Variants in COL23A1 observed in about 807,000 individuals in gnomAD.
COL23A1 encodes collagen alpha-1(XXIII) chain.
COL23A1 carries 97 observed loss-of-function variants against 99.3 expected under a neutral mutation model. The observed-to-expected ratio is 0.98, with a 90% CI of 0.83 to 1.16. The LOEUF is 1.16. COL23A1 is among the 50% of genes most tolerant of loss of function. The pLI is 0.00. For synonymous variants in COL23A1, 320 were observed against 308.2 expected (o/e 1.04, Z -0.40); for missense variants, 762 against 757.4 (o/e 1.01, Z -0.07).
At chr5:178,577,005 G>T (rs1484482996) in intron 1 of COL23A1, among the ~76,000 whole-genome samples, 1 of 152,014 alleles carries the variant, frequency 6.6e-6, no homozygotes, top group Non-Finnish European at 1.5e-5. Context: ...CTCGGGCAGC[G>T]GCCGGCGCCT....
intron 1 of COL23A1, among the ~76,000 whole-genome samples, chr5:178,577,717 C>G (rs1259722024): frequency 5.9e-5 from 9 of 152,264 alleles, no homozygotes; most frequent in Non-Finnish European, 1.2e-4. Context: ...CCAGAAGGGC[C>G]ATTGCTCAGT....
At chr5:178,386,212 G>C (rs1296520229) in intron 2 of COL23A1, among the ~76,000 whole-genome samples, 1 of 152,192 alleles carries the variant, frequency 6.6e-6, no homozygotes, top group East Asian at 1.9e-4. Context: ...GCTAAGGCGG[G>C]TGGATTGTCT....
At chr5:178,285,868 T>C (rs967521379) in intron 5 of COL23A1, among the ~76,000 whole-genome samples, 6 of 152,226 alleles carry the variant, frequency 3.9e-5, no homozygotes, top group African/African-American at 1.4e-4. Flanking sequence ...GATAGGAATT[T>C]CCACTCAGGA....
intron 8 of COL23A1, 33 bp from the exon 9 acceptor site, chr5:178,263,357 G>A: frequency 7.3e-7 from 1 of 1,365,396 alleles, no homozygotes. Context: ...TGACTCTGAG[G>A]GGGAGGGGGT....
intron 18 of COL23A1, among the ~76,000 whole-genome samples, chr5:178,249,845 C>T (rs1764935568): frequency 6.6e-6 from 1 of 152,176 alleles, no homozygotes; most frequent in South Asian, 2.1e-4. Flanking sequence ...CAGAGTTACT[C>T]AGCCCTGCCT....
chr5:178,532,212 T>C (rs557059641), intron 2 of COL23A1, among the ~76,000 whole-genome samples: 38 of 152,384 alleles, frequency 2.5e-4, no homozygotes, highest in African/African-American at 8.7e-4. Context: ...TTTGCCAGCC[T>C]GTTGACTTAA....
At chr5:178,282,815 T>TG (rs1756968928) in intron 5 of COL23A1, among the ~76,000 whole-genome samples, 1 of 152,080 alleles carries the variant, frequency 6.6e-6, no homozygotes, top group African/African-American at 2.4e-5. Context: ...GCACCATGAG[T>TG]GGGGGATCTC....
Position 178,476,215 on chromosome 5 carries a change from G to A in COL23A1, c.361+84467C>T, listed in dbSNP as rs564410420. On this transcript the variant is annotated intron_variant, in intron 2 of 28. Transcript: ENST00000390654. ...AATAGGCGTCATAATAGGAAATGGC[G>A]CATACAGCATGCCTGCCGTTCTGTA... Among the ~76,000 whole-genome samples the A allele has an allele frequency of 6.9e-4, 105 of 152,252 alleles. 1 individual carries two copies. In the Middle Eastern group the frequency reaches 0.01, roughly 15 times the overall value.
chr5:178,566,516 A>T (rs1329502065), intron 1 of COL23A1, among the ~76,000 whole-genome samples: 1 of 152,196 alleles, frequency 6.6e-6, no homozygotes, highest in Non-Finnish European at 1.5e-5. Flanking sequence ...TGGTGTTTTC[A>T]TTGAAAACTC....
intron 2 of COL23A1, among the ~76,000 whole-genome samples, chr5:178,433,009 T>C (rs1026032072): frequency 1.3e-5 from 2 of 152,088 alleles, no homozygotes; most frequent in Non-Finnish European, 2.9e-5. Flanking sequence ...GTTCCCTTGG[T>C]TTCCCTCTCC....
At chr5:178,570,931 G>A (rs1763061409) in intron 1 of COL23A1, among the ~76,000 whole-genome samples, 1 of 152,160 alleles carries the variant, frequency 6.6e-6, no homozygotes, top group East Asian at 1.9e-4. Context: ...GCCCCTGCAG[G>A]CAAGGAAATG....
At chr5:178,503,450 G>T (rs1758686877) in intron 2 of COL23A1, among the ~76,000 whole-genome samples, 1 of 152,208 alleles carries the variant, frequency 6.6e-6, no homozygotes, top group Admixed American at 6.5e-5. Context: ...CTCCTGTATT[G>T]CAGGCAGAAA....
chr5:178,241,457 G>A (rs1245865639), intron 27 of COL23A1, among the ~76,000 whole-genome samples: 1 of 152,166 alleles, frequency 6.6e-6, no homozygotes, highest in African/African-American at 2.4e-5. Context: ...AGAGGTCAGG[G>A]TGGTCCCACC....
At chr5:178,385,310 G>T (rs13160887) in intron 2 of COL23A1, among the ~76,000 whole-genome samples, 4,680 of 152,262 alleles carry the variant, frequency 0.031, 127 homozygotes, top group Non-Finnish European at 0.049. Flanking sequence ...GTGAGCTGTG[G>T]ACGCGGGGAA....
At chr5:178,249,326 C>G (rs1314449641) in intron 18 of COL23A1, 120 bp from the exon 19 acceptor site, 1 of 952,924 alleles carries the variant, frequency 1.0e-6, no homozygotes, top group Non-Finnish European at 1.7e-6. Context: ...GGGTCCCCAC[C>G]TCCAGCCACA....
At chr5:178,427,590 T>C (rs886322177) in intron 2 of COL23A1, among the ~76,000 whole-genome samples, 1 of 152,182 alleles carries the variant, frequency 6.6e-6, no homozygotes, top group African/African-American at 2.4e-5. Context: ...TTTAGCTACA[T>C]AATATTTAGC....
intron 2 of COL23A1, among the ~76,000 whole-genome samples, chr5:178,360,748 C>T (rs1026522249): frequency 1.3e-5 from 2 of 152,202 alleles, no homozygotes; most frequent in African/African-American, 4.8e-5. Flanking sequence ...TTGTCCTCAT[C>T]CCACACGGAG....
intron 2 of COL23A1, among the ~76,000 whole-genome samples, chr5:178,517,846 C>T (rs1435586443): frequency 1.4e-5 from 2 of 146,298 alleles, no homozygotes; most frequent in Admixed American, 6.8e-5. Context: ...AGGCGTGAGC[C>T]GCCGTGCCTG....
At chr5:178,358,407 G>A (rs111066790) in intron 2 of COL23A1, among the ~76,000 whole-genome samples, 8,478 of 125,004 alleles carry the variant, frequency 0.068, 349 homozygotes, top group African/African-American at 0.13. Context: ...ATGTGTATGT[G>A]TGTATGTGTA....
Sources: allele counts gnomAD v4.1 joint callset (sites outside exome capture counted in the v4.1 genomes callset), GRCh38; gene constraint gnomAD v4.1.1; transcripts MANE v1.5; gene names NCBI Gene and HGNC (gene_info 2026-07-23, HGNC 2026-07-21).